The following RAD21L1 variants were observed in gnomAD, a reference collection of about 807,000 sequenced individuals.
The protein encoded by RAD21L1 is double-strand-break repair protein rad21-like protein 1.
RAD21L1 carries 47 observed loss-of-function variants against 69.0 expected under a neutral mutation model. That is an observed-to-expected ratio of 0.68 (90% confidence interval 0.54 to 0.87). The LOEUF (loss-of-function observed/expected upper bound fraction) is 0.87. RAD21L1 is among the 40% of genes least tolerant of loss of function. The pLI is 0.00. For synonymous variants in RAD21L1, 177 were observed against 205.8 expected, an observed-to-expected ratio of 0.86 and a Z score of 1.20; for missense variants, 583 against 647.6, an observed-to-expected ratio of 0.90 and a Z score of 1.08.
At chr20:1,243,770 C>T (rs1033087507) in intron 10 of RAD21L1, among the ~76,000 whole-genome samples, 2 of 152,108 alleles carry the variant, frequency 1.3e-5, no homozygotes, top group African/African-American at 2.4e-5. Context: ...CCACAATGGG[C>T]TTGAACTGTC....
chr20:1,226,071 G>C lies in RAD21L1; in HGVS notation c.-102G>C, dbSNP rs1471798878. 2 of 41,674 alleles carry C rather than the reference G, an allele frequency of 4.8e-5. No homozygotes were observed. Among genetic ancestry groups the C allele is most frequent in the African/African-American group, 5.0e-4 (2 of 3,988 alleles). 2.6% of individuals were successfully genotyped at this position (41,674 alleles called of 1,614,324 possible). A position where few individuals can be genotyped will look rare whatever the true frequency, so the allele number is the denominator to read the frequency against. On this transcript the variant is annotated 5_prime_UTR_variant, in exon 1 of 14. Coordinates refer to ENST00000683101, the MANE Select transcript of RAD21L1 (RefSeq NM_001384355.1). The stretch of plus-strand genomic sequence containing the variant: ...AGACGCCCAGCGGCGCCAAGAACCC[G>C]GCCAAGCTGACTTGGCGACTCCTCG...
chr20:1,239,508 GAA>G, intron 7 of RAD21L1, 101 bp downstream of exon 7: 1 of 650,064 alleles, frequency 1.5e-6, no homozygotes, highest in South Asian at 1.9e-5. Flanking sequence ...GAAAGATAAA[GAA>G]CAATGTCTTT....
rs1413583366 is a variant in RAD21L1, at chr20:1,246,494, TG to T, written c.1401+190del. On this transcript the variant is annotated intron_variant, in intron 12 of 13. Coordinates refer to ENST00000683101, the MANE Select transcript of RAD21L1 (RefSeq NM_001384355.1). This position sits in a 1 kb window ranked among gnomAD's most constrained non-coding sequence, Gnocchi z 4.6. ...ATATTCTGAATTGCTCTGATTTTTT[TG>T]TCTTTCTTTAATTTCTTTTGAAACT... Among the ~76,000 whole-genome samples, 17 of 152,224 alleles carry T rather than the reference TG, an allele frequency of 1.1e-4. No individual in the cohort carries two copies. The East Asian group carries it at 3.3e-3, about 29-fold the overall frequency.
chr20:1,234,249 G>A (rs568283824), intron 5 of RAD21L1, 58 bp downstream of exon 5: 1 of 806,050 alleles, frequency 1.2e-6, no homozygotes, highest in East Asian at 2.7e-5. Flanking sequence ...TTGTATTTGT[G>A]TATTGAAATA....
At chr20:1,226,593 C>G (rs2087266178) in intron 1 of RAD21L1, among the ~76,000 whole-genome samples, 1 of 152,158 alleles carries the variant, frequency 6.6e-6, no homozygotes, top group African/African-American at 2.4e-5. Context: ...CGCCCGGTCC[C>G]CTTCCGACCC....
Position 1,228,604 on chromosome 20 carries a change from T to C in RAD21L1, c.144+7T>C, listed in dbSNP as rs1568513832. Reference sequence around the variant, plus strand: ...AAAAATTCTTTCACCCAAGGTATGTTACTGATTAAAATGATAGCTTGTATT... The same window carrying C: ...AAAAATTCTTTCACCCAAGGTATGTCACTGATTAAAATGATAGCTTGTATT... On this transcript the variant is annotated splice_region_variant and intron_variant, in intron 2 of 13. Transcript: ENST00000683101. 1.3e-6 allele frequency: 2 copies of C among 1,517,726 alleles called. No individual in the cohort carries two copies. Among genetic ancestry groups the C allele is most frequent in the Non-Finnish European group, 1.8e-6 (2 of 1,127,284 alleles). 94.0% of individuals were successfully genotyped at this position (1,517,726 alleles called of 1,614,324 possible).
chr20:1,228,526 A>G lies in RAD21L1; in HGVS notation c.73A>G (p.Lys25Glu). The G allele has an allele frequency of 6.4e-7, 1 of 1,550,568 alleles. No individual in the cohort carries two copies. Among genetic ancestry groups the G allele is most frequent in the Admixed American group, 2.0e-5 (1 of 50,826 alleles). ...AKIWLAAHWE[K>E]KLTKAHVFEC... ...AATATGGCTTGCAGCTCACTGGGAG[A>G]AGAAACTCACAAAGGCCCATGTATT... The change falls in exon 2 of 14, where the codon AAG (lysine) becomes GAG (glutamate). Residue 25 changes from lysine to glutamate, a missense_variant. Transcript: ENST00000683101.
chr20:1,252,076 C>A (rs1370704271), intron 13 of RAD21L1, among the ~76,000 whole-genome samples: 3 of 152,190 alleles, frequency 2.0e-5, no homozygotes, highest in African/African-American at 7.2e-5. Context: ...TGCTTCCTCT[C>A]ACTGTTATCC....
intron 1 of RAD21L1, among the ~76,000 whole-genome samples, chr20:1,227,388 G>A (rs942228085): frequency 6.6e-6 from 1 of 152,254 alleles, no homozygotes; most frequent in African/African-American, 2.4e-5. Flanking sequence ...TGGTTTGGCG[G>A]ATTGCGTCAC....
chr20:1,228,277 C>T, intron 1 of RAD21L1, 145 bp from the exon 2 acceptor site: 1 of 441,718 alleles, frequency 2.3e-6, no homozygotes, highest in Non-Finnish European at 4.0e-6. Flanking sequence ...ATAAGTTTCT[C>T]TTATTTACAA....
chr20:1,249,873 T>C (rs2087791081), intron 13 of RAD21L1, among the ~76,000 whole-genome samples: 1 of 152,222 alleles, frequency 6.6e-6, no homozygotes, highest in Non-Finnish European at 1.5e-5. Flanking sequence ...TTTATTATTA[T>C]ACTTTAAGTT....
intron 5 of RAD21L1, among the ~76,000 whole-genome samples, chr20:1,235,692 G>C (rs1246635962): frequency 6.6e-6 from 1 of 151,864 alleles, no homozygotes; most frequent in Non-Finnish European, 1.5e-5. Flanking sequence ...TTGGCAAAGA[G>C]GTAATCATAT....
At chr20:1,236,102 A>G (rs562039731) in intron 5 of RAD21L1, among the ~76,000 whole-genome samples, 6 of 152,182 alleles carry the variant, frequency 3.9e-5, no homozygotes, top group Non-Finnish European at 7.4e-5. Context: ...TGTCAGCTTC[A>G]TACTAGTGCT....
At chr20:1,250,534 A>G (rs1401004177) in intron 13 of RAD21L1, among the ~76,000 whole-genome samples, 1 of 151,952 alleles carries the variant, frequency 6.6e-6, no homozygotes. Flanking sequence ...AAAGACATGA[A>G]CTCATCCTTT....
chr20:1,249,252 A>G (rs747464874), intron 13 of RAD21L1, among the ~76,000 whole-genome samples: 42 of 152,080 alleles, frequency 2.8e-4, no homozygotes, highest in Non-Finnish European at 5.4e-4. Flanking sequence ...TTGGTATTTC[A>G]GCTTTAAACT....
At position 1,254,539 on chromosome 20, in the gene RAD21L1, G is replaced by A. The variant is rs1396757926; in HGVS notation, c.*82G>A. 2 of 934,956 alleles carry A rather than the reference G, an allele frequency of 2.1e-6. No individual in the cohort carries two copies. The highest frequency in any genetic ancestry group is 3.0e-6 in the Non-Finnish European group (2 of 666,040). 57.9% of individuals were successfully genotyped at this position (934,956 alleles called of 1,614,324 possible). ...AATTTAATGCAGAAGCCATCTGGAA[G>A]CAGCTGAAGGTCTGATCCATTTCAT... On this transcript the variant is annotated 3_prime_UTR_variant, in exon 14 of 14. Transcript: ENST00000683101.
intron 1 of RAD21L1, among the ~76,000 whole-genome samples, chr20:1,227,337 G>A (rs1408414627): frequency 1.3e-5 from 2 of 152,266 alleles, no homozygotes; most frequent in African/African-American, 4.8e-5. Context: ...CAAGGTACAA[G>A]CCATATGCAT....
chr20:1,239,493 A>G, intron 7 of RAD21L1, 86 bp downstream of exon 7: 2 of 686,790 alleles, frequency 2.9e-6, no homozygotes, highest in Non-Finnish European at 5.1e-6. Flanking sequence ...GCAATATAGT[A>G]TAGTGAAAGA....
intron 8 of RAD21L1, among the ~76,000 whole-genome samples, chr20:1,240,923 A>C (rs1239526822): frequency 6.6e-6 from 1 of 152,212 alleles, no homozygotes; most frequent in African/African-American, 2.4e-5. Flanking sequence ...TTACGGTGCT[A>C]GAGCTGTAAC....
Sources: allele counts gnomAD v4.1 joint callset (sites outside exome capture counted in the v4.1 genomes callset), GRCh38; gene constraint gnomAD v4.1.1; non-coding constraint Gnocchi (gnomAD v3.1); transcripts MANE v1.5; gene names NCBI Gene and HGNC (gene_info 2026-07-23, HGNC 2026-07-21).